SLC25A21: variants seen among roughly 807,000 people sequenced by gnomAD.
The protein encoded by SLC25A21 is mitochondrial 2-oxodicarboxylate carrier.
SLC25A21 carries 47 observed loss-of-function variants against 43.8 expected under a neutral mutation model. The ratio of observed to expected loss-of-function variants is 1.07; its 90% CI spans 0.85 to 1.37. SLC25A21 has a LOEUF of 1.37. Ranked by LOEUF, SLC25A21 falls within the 40% of genes most tolerant of loss-of-function variation. SLC25A21 has a pLI of 0.00. For synonymous variants in SLC25A21, 131 were observed against 121.3 expected (o/e 1.08, Z -0.52); for missense variants, 352 against 350.2 (o/e 1.00, Z -0.04).
chr14:36,760,330 C>CGG (rs1566582784), intron 3 of SLC25A21, among the ~76,000 whole-genome samples: 4 of 105,154 alleles, frequency 3.8e-5, no homozygotes, highest in African/African-American at 4.0e-5. Context: ...GGCAGCTAGG[C>CGG]AGAAGGAAGG....
At chr14:37,159,346 C>A (rs1594824136) in intron 1 of SLC25A21, among the ~76,000 whole-genome samples, 1 of 151,948 alleles carries the variant, frequency 6.6e-6, no homozygotes, top group African/African-American at 2.4e-5. Flanking sequence ...GCTATAGTAA[C>A]CAAAACAGTA....
At chr14:37,118,446 G>A (rs1385235750) in intron 1 of SLC25A21, among the ~76,000 whole-genome samples, 1 of 152,148 alleles carries the variant, frequency 6.6e-6, no homozygotes, top group Non-Finnish European at 1.5e-5. Flanking sequence ...TAGGGAGGCT[G>A]ATTTGAGTAA....
chr14:37,151,189 T>C (rs2138934270), intron 1 of SLC25A21, among the ~76,000 whole-genome samples: 1 of 152,312 alleles, frequency 6.6e-6, no homozygotes, highest in South Asian at 2.1e-4. Flanking sequence ...TTACAGACAT[T>C]AAATTACATG....
At chr14:37,085,295 A>G (rs1962463225) in intron 1 of SLC25A21, among the ~76,000 whole-genome samples, 2 of 152,208 alleles carry the variant, frequency 1.3e-5, no homozygotes, top group Admixed American at 6.5e-5. Flanking sequence ...CTCCAACTCT[A>G]TGATTATCTG....
At chr14:37,020,919 C>A (rs1053790382) in intron 1 of SLC25A21, among the ~76,000 whole-genome samples, 1 of 151,922 alleles carries the variant, frequency 6.6e-6, no homozygotes, top group African/African-American at 2.4e-5. Context: ...CATGGTCTTG[C>A]ATTAGGTTCC....
chr14:37,018,571 A>T (rs1239730675), intron 1 of SLC25A21, among the ~76,000 whole-genome samples: 1 of 151,998 alleles, frequency 6.6e-6, no homozygotes, highest in Non-Finnish European at 1.5e-5. Context: ...CATGTTGCAA[A>T]TGTGTCTACT....
At chr14:37,158,597 A>C (rs1963888850) in intron 1 of SLC25A21, among the ~76,000 whole-genome samples, 1 of 152,202 alleles carries the variant, frequency 6.6e-6, no homozygotes, top group Admixed American at 6.5e-5. Context: ...AATAAAGGTC[A>C]TGTATGACAA....
intron 1 of SLC25A21, among the ~76,000 whole-genome samples, chr14:36,922,439 G>A (rs1212393256): frequency 6.6e-6 from 1 of 152,030 alleles, no homozygotes; most frequent in African/African-American, 2.4e-5. Flanking sequence ...ACAAAGATTA[G>A]AGCTCAGGAA....
intron 1 of SLC25A21, among the ~76,000 whole-genome samples, chr14:37,155,228 C>A (rs1253379070): frequency 6.6e-6 from 1 of 152,096 alleles, no homozygotes; most frequent in Non-Finnish European, 1.5e-5. Flanking sequence ...TGCCACCATG[C>A]CTGGCTAATT....
At chr14:36,710,487 G>T (rs957093912) in intron 7 of SLC25A21, among the ~76,000 whole-genome samples, 1 of 152,156 alleles carries the variant, frequency 6.6e-6, no homozygotes, top group Non-Finnish European at 1.5e-5. Context: ...CTGGAGTGCA[G>T]TGGCGCAATC....
At chr14:36,824,528 T>C (rs894493839) in intron 2 of SLC25A21, among the ~76,000 whole-genome samples, 2 of 152,160 alleles carry the variant, frequency 1.3e-5, no homozygotes, top group Admixed American at 6.6e-5. Context: ...TTGTAACATA[T>C]ATAATCTATC....
At chr14:36,912,054 G>A (rs8004565) in intron 1 of SLC25A21, among the ~76,000 whole-genome samples, 2,418 of 151,962 alleles carry the variant, frequency 0.016, 61 homozygotes, top group African/African-American at 0.054. Context: ...GTAGTATACT[G>A]TATATACTTA....
At chr14:36,846,983 C>T (rs1176246362) in intron 2 of SLC25A21, among the ~76,000 whole-genome samples, 33 of 152,180 alleles carry the variant, frequency 2.2e-4, no homozygotes, top group Admixed American at 2.1e-3. Flanking sequence ...CAAAAGCTTA[C>T]CTGAAAAGAA....
At chr14:36,702,475 C>CAAAAAAAAAAAAAAAAAAAAAAAA (rs1213350246) in intron 7 of SLC25A21, among the ~76,000 whole-genome samples, 9 of 66,132 alleles carry the variant, frequency 1.4e-4, no homozygotes, top group African/African-American at 1.8e-4. Flanking sequence ...CCTGTCTCCA[C>CAAAAAAAAAAAAAAAAAAAAAAAA]AAAAAAAAAA....
chr14:36,931,769 G>C (rs1475225130), intron 1 of SLC25A21, among the ~76,000 whole-genome samples: 2 of 151,936 alleles, frequency 1.3e-5, no homozygotes, highest in Non-Finnish European at 2.9e-5. Context: ...GAATAGATGG[G>C]ACTTGGTAAC....
chr14:36,943,018 A>G (rs1176056756), intron 1 of SLC25A21, among the ~76,000 whole-genome samples: 2 of 152,176 alleles, frequency 1.3e-5, no homozygotes, highest in African/African-American at 2.4e-5. Flanking sequence ...TTAGAAGGCA[A>G]TGAGTCAGAA....
intron 1 of SLC25A21, among the ~76,000 whole-genome samples, chr14:37,053,052 T>C (rs1052899448): frequency 1.3e-5 from 2 of 152,182 alleles, no homozygotes; most frequent in African/African-American, 2.4e-5. Context: ...TGCAAATCAA[T>C]ATATCTGTTT....
chr14:36,925,704 AGGC>A (rs1892111653), intron 1 of SLC25A21, among the ~76,000 whole-genome samples: 1 of 152,020 alleles, frequency 6.6e-6, no homozygotes. Context: ...AAAATTAGCC[AGGC>A]ATGGTAGCAC....
chr14:37,036,213 T>C (rs1961323027), intron 1 of SLC25A21, among the ~76,000 whole-genome samples: 1 of 152,192 alleles, frequency 6.6e-6, no homozygotes, highest in African/African-American at 2.4e-5. Context: ...TTTCCTTTTT[T>C]GGAACACTTT....
Sources: allele counts gnomAD v4.1 joint callset (sites outside exome capture counted in the v4.1 genomes callset), GRCh38; gene constraint gnomAD v4.1.1; transcripts MANE v1.5; gene names NCBI Gene and HGNC (gene_info 2026-07-23, HGNC 2026-07-21).